Variants in RAG1 observed in about 807,000 individuals in gnomAD.
RAG1 encodes the protein V(D)J recombination-activating protein 1.
Under a neutral mutation model 62.7 loss-of-function variants are expected in RAG1, and 35 were observed. That is an observed-to-expected ratio of 0.56 (90% CI 0.43 to 0.74). RAG1 has a LOEUF of 0.74. Ranked by LOEUF, RAG1 falls within the 30% of genes least tolerant of loss-of-function variation. The probability of loss-of-function intolerance (pLI) is 0.00; values close to 1 mark genes in which losing one functional copy is unlikely to be tolerated. For synonymous variants in RAG1, 461 were observed against 470.3 expected, an observed-to-expected ratio of 0.98 and a Z score of 0.26; for missense variants, 1,169 against 1,278.6, an observed-to-expected ratio of 0.91 and a Z score of 1.31.
chr11:36,550,626 G>T (rs1850467793), intron 3 of RAG1, among the ~76,000 whole-genome samples: 1 of 152,132 alleles, frequency 6.6e-6, no homozygotes. Flanking sequence ...AGAGAAGCCT[G>T]TGAAGTTGGA....
downstream of RAG1, among the ~76,000 whole-genome samples, chr11:36,537,372 T>G (rs745820588): frequency 2.0e-5 from 3 of 152,180 alleles, no homozygotes; most frequent in Non-Finnish European, 2.9e-5. Flanking sequence ...TTTAGGGTCT[T>G]GATTGTGGTG....
chr11:36,549,427 G>T (rs1850449435), intron 3 of RAG1, among the ~76,000 whole-genome samples: 1 of 152,136 alleles, frequency 6.6e-6, no homozygotes, highest in African/African-American at 2.4e-5. Flanking sequence ...AACTTTAAAA[G>T]AAAAATACAA....
rs1366684678 is a variant in RAG1 at position 36,544,675 on chromosome 11, A to G, written c.-412+8641A>G. Reference sequence around the variant, plus strand: ...TTTAAGTAGTTTTCTTTTTCTTTTTAATGGTTGATGTGGTCTGGCTACATG... The same window carrying G: ...TTTAAGTAGTTTTCTTTTTCTTTTTGATGGTTGATGTGGTCTGGCTACATG... On this transcript the variant is annotated intron_variant and NMD_transcript_variant, in intron 3 of 9. Coordinates refer to the RAG1 transcript ENST00000534663. Among the ~76,000 whole-genome samples, 5 of 151,936 alleles carry G rather than the reference A, an allele frequency of 3.3e-5. No individual in the cohort carries two copies. In the East Asian group the frequency reaches 7.7e-4, roughly 23 times the overall value.
In RAG1 at chr11:36,575,273, C is replaced by T; in HGVS notation, c.1969C>T (p.Pro657Ser). 6.2e-7 allele frequency: 1 copy of T among 1,614,186 alleles called. No individual in the cohort carries two copies. The highest frequency in any genetic ancestry group is 8.5e-7 in the Non-Finnish European group (1 of 1,180,034). Residue 657 changes from proline to serine, a missense_variant, in exon 2 of 2, where the codon CCA (proline) becomes TCA (serine). Pro to Ser is a moderately conservative substitution (Grantham distance 74). Around this residue, in one of 2 missense-constraint regions of RAG1, gnomAD observed 800 missense variants for 943.3 expected, o/e 0.85. Coordinates refer to ENST00000299440, the MANE Select transcript of RAG1 (RefSeq NM_000448.3). This position sits in a 1 kb window ranked among gnomAD's most constrained non-coding sequence, Gnocchi z 4.1. ...ACCTAACTCTGAACTGTGTTGCAAG[C>T]CATTGTGCCTTATGCTGGCAGATGA... The part of the protein sequence containing the change: ...AKPNSELCCK[P>S]LCLMLADESD...
downstream of RAG1, among the ~76,000 whole-genome samples, chr11:36,539,319 T>C (rs1429142223): frequency 6.6e-6 from 1 of 152,150 alleles, no homozygotes; most frequent in African/African-American, 2.4e-5. Context: ...CACTTTGGTC[T>C]TTGTCTTCCA....
chr11:36,547,406 A>G (rs1850411128), intron 3 of RAG1, among the ~76,000 whole-genome samples: 1 of 152,206 alleles, frequency 6.6e-6, no homozygotes, highest in Non-Finnish European at 1.5e-5. Context: ...GAAAGAGAGA[A>G]GAATCAAATA....
At chr11:36,524,850 G>T (rs1283808251) in intron 2 of RAG1, among the ~76,000 whole-genome samples, 1 of 152,108 alleles carries the variant, frequency 6.6e-6, no homozygotes, top group Non-Finnish European at 1.5e-5. Flanking sequence ...ATCTTTTCAT[G>T]TACTTATTTG....
chr11:36,576,439 A>G lies in RAG1; in HGVS notation c.*3A>G. The stretch of plus-strand genomic sequence containing the variant: ...GCCAAGATTCAATGGAATTTTAAGT[A>G]GGGCAACCACTTATGAGTTGGTTTT... On this transcript the variant is annotated 3_prime_UTR_variant, in exon 2 of 2. Transcript: ENST00000299440. 6.2e-7 allele frequency: 1 copy of G among 1,614,016 alleles called. No individual in the cohort carries two copies. The highest frequency in any genetic ancestry group is 8.5e-7 in the Non-Finnish European group (1 of 1,179,994).
chr11:36,567,332 G>A (rs1231774510), upstream of RAG1: 4 of 152,148 alleles, frequency 2.6e-5, no homozygotes, highest in Admixed American at 2.0e-4. Context: ...TCTCAATAAT[G>A]GGGACTAATA....
chr11:36,523,560 A>G (rs924791131), intron 2 of RAG1, among the ~76,000 whole-genome samples: 8 of 152,198 alleles, frequency 5.3e-5, no homozygotes, highest in Non-Finnish European at 1.2e-4. Flanking sequence ...ATATAACTAT[A>G]ATATAATTAT....
At chr11:36,532,648 C>G (rs551768043) in intron 2 of RAG1, among the ~76,000 whole-genome samples, 1 of 152,164 alleles carries the variant, frequency 6.6e-6, no homozygotes, top group Non-Finnish European at 1.5e-5. Context: ...GCACACTGTT[C>G]TGAGAAGTGT....
intron 2 of RAG1, chr11:36,535,862 T>G (rs922245482): frequency 2.0e-5 from 3 of 152,220 alleles, no homozygotes; most frequent in Non-Finnish European, 2.9e-5. Context: ...TTTTTTTGTT[T>G]TAAATATTTC....
At chr11:36,541,192 T>C (rs1198481654) in intron 3 of RAG1, among the ~76,000 whole-genome samples, 1 of 152,210 alleles carries the variant, frequency 6.6e-6, no homozygotes, top group Non-Finnish European at 1.5e-5. Flanking sequence ...GTCCTGCATC[T>C]GCAGCATTCG....
chr11:36,548,888 G>A (rs1414881386), intron 3 of RAG1, among the ~76,000 whole-genome samples: 2 of 152,138 alleles, frequency 1.3e-5, no homozygotes. Flanking sequence ...CAAGGCTACA[G>A]GAACCAAAAC....
intron 1 of RAG1, among the ~76,000 whole-genome samples, chr11:36,516,663 T>G (rs988695651): frequency 6.6e-6 from 1 of 152,236 alleles, no homozygotes; most frequent in Non-Finnish European, 1.5e-5. Context: ...TCAGATTAAT[T>G]CACCGAAGTA....
At position 36,535,215 on chromosome 11, in the gene RAG1, C is replaced by T. The variant is rs542735267; in HGVS notation, n.429-744C>T. ...TTCAACAATTCCATGGATTCTGTGTCATTTTGGAATGCATCAAGGTCTATC... is the reference window on the plus strand; with the variant it reads ...TTCAACAATTCCATGGATTCTGTGTTATTTTGGAATGCATCAAGGTCTATC... On this transcript the variant is annotated intron_variant and non_coding_transcript_variant, in intron 2 of 2. Coordinates refer to the RAG1 transcript ENST00000529126. Among the ~76,000 whole-genome samples, 30 of 151,214 alleles carry T rather than the reference C, an allele frequency of 2.0e-4. No homozygotes were observed. The South Asian group carries it at 3.8e-3, about 19-fold the overall frequency.
intron 3 of RAG1, among the ~76,000 whole-genome samples, chr11:36,560,005 G>A (rs1010458827): frequency 6.6e-6 from 1 of 152,172 alleles, no homozygotes; most frequent in Non-Finnish European, 1.5e-5. Flanking sequence ...TTACAGACTA[G>A]CTTTTGTAGA....
At chr11:36,546,956 G>A (rs1045556127) in intron 3 of RAG1, among the ~76,000 whole-genome samples, 1 of 152,092 alleles carries the variant, frequency 6.6e-6, no homozygotes, top group East Asian at 1.9e-4. Context: ...CCTTTTGTGG[G>A]TAATCCGACC....
chr11:36,528,462 C>T (rs938474565), intron 2 of RAG1, among the ~76,000 whole-genome samples: 7 of 152,092 alleles, frequency 4.6e-5, no homozygotes, highest in East Asian at 1.9e-4. Flanking sequence ...AAAGACACAA[C>T]GTACCAGAAT....
Sources: gnomAD v4.1 joint callset for allele counts (sites outside exome capture counted in the v4.1 genomes callset) on GRCh38, gnomAD v4.1.1 for gene constraint, gnomAD v4.1.1 regional missense constraint, Gnocchi (gnomAD v3.1) non-coding constraint, MANE v1.5 for transcripts, NCBI Gene and HGNC (gene_info 2026-07-23, HGNC 2026-07-21) for gene names.